METTL24: variants seen among roughly 807,000 people sequenced by gnomAD.
METTL24 encodes methyltransferase like 24.
METTL24 carries 29 observed loss-of-function variants against 32.7 expected under a neutral mutation model. The ratio of observed to expected loss-of-function variants is 0.89; its 90% CI spans 0.66 to 1.21. The LOEUF (loss-of-function observed/expected upper bound fraction) is 1.21, where lower values mean the gene tolerates loss of function less well. METTL24 is among the 50% of genes most tolerant of loss of function. The pLI, the probability that METTL24 is intolerant of heterozygous loss-of-function variation, is 0.00. For missense variants in METTL24, 439 were observed against 468.1 expected (o/e 0.94, Z 0.57); for synonymous variants, 163 against 179.5 (o/e 0.91, Z 0.73).
chr6:110,299,105 G>T lies in METTL24; in HGVS notation c.603C>A (p.Asn201Lys), dbSNP rs200971763. 2.5e-6 allele frequency: 4 copies of T among 1,614,114 alleles called. No homozygotes were observed. Among genetic ancestry groups the T allele is most frequent in the Non-Finnish European group, 3.4e-6 (4 of 1,180,026 alleles). The change falls in exon 4 of 5, where the codon AAC becomes AAA. Residue 201 changes from asparagine (N) to lysine (K), a missense_variant. By Grantham distance (94) the Asn-to-Lys change is moderately conservative. Transcript: ENST00000338882. ...DTHFEVSMAN[N>K]GCEVHRFDPS... ...GATCAAAACGATGCACTTCACATCC[G>T]TTGTTGGCCATGCTAACCTCAAAAT... is the stretch of plus-strand genomic sequence containing the variant.
intron 4 of METTL24, among the ~76,000 whole-genome samples, chr6:110,287,090 A>G (rs1042866787): frequency 1.3e-5 from 2 of 152,204 alleles, no homozygotes; most frequent in Non-Finnish European, 2.9e-5. Flanking sequence ...TAATTCTGTC[A>G]TCAGATGGGC....
At chr6:110,298,046 G>A (rs1208301119) in intron 4 of METTL24, among the ~76,000 whole-genome samples, 1 of 152,098 alleles carries the variant, frequency 6.6e-6, no homozygotes, top group African/African-American at 2.4e-5. Flanking sequence ...GCAATGCAGG[G>A]AAAAGCTTCT....
At chr6:110,249,434 G>GGGGGGTGCCCCT in intron 4 of METTL24, among the ~76,000 whole-genome samples, 1 of 151,540 alleles carries the variant, frequency 6.6e-6, no homozygotes, top group East Asian at 1.9e-4. Context: ...ATGCAGCCCA[G>GGGGGGTGCCCCT]GGGGAGCACA....
At chr6:110,276,235 C>A (rs1206167105) in intron 4 of METTL24, among the ~76,000 whole-genome samples, 1 of 152,160 alleles carries the variant, frequency 6.6e-6, no homozygotes, top group Non-Finnish European at 1.5e-5. Context: ...GAGTTTGAGA[C>A]CAGCCTGGGC....
At position 110,262,745 on chromosome 6, in the gene METTL24, G is replaced by A. The variant is rs535090007; in HGVS notation, c.787-16485C>T. Among the ~76,000 whole-genome samples the A allele has an allele frequency of 7.9e-5, 12 of 152,266 alleles. No individual in the cohort carries two copies. The East Asian group carries it at 1.9e-3, about 24-fold the overall frequency. On this transcript the variant is annotated intron_variant, in intron 4 of 4. Coordinates refer to ENST00000338882, the MANE Select transcript of METTL24 (RefSeq NM_001123364.3). The stretch of plus-strand genomic sequence containing the variant: ...ATAAAATACTGACAAACCGAATCCA[G>A]CAGCATATCAAAAAGCTTATCCACC...
At chr6:110,276,276 A>C (rs181489519) in intron 4 of METTL24, among the ~76,000 whole-genome samples, 22 of 152,230 alleles carry the variant, frequency 1.4e-4, no homozygotes, top group East Asian at 1.4e-3. Flanking sequence ...TCTACCAAAA[A>C]AAATTAAAAA....
At chr6:110,356,329 G>C (rs9386890) in intron 1 of METTL24, among the ~76,000 whole-genome samples, 39,140 of 151,910 alleles carry the variant, frequency 0.26, 5,128 homozygotes, top group South Asian at 0.32. Context: ...TGTAATCCCA[G>C]CTACTCGGTA....
At chr6:110,264,170 C>A (rs1271987615) in intron 4 of METTL24, among the ~76,000 whole-genome samples, 2 of 151,546 alleles carry the variant, frequency 1.3e-5, no homozygotes, top group Admixed American at 6.6e-5. Context: ...AAACTACCAC[C>A]AGAGTGAACA....
intron 3 of METTL24, among the ~76,000 whole-genome samples, chr6:110,307,678 A>G (rs1255755485): frequency 1.3e-5 from 2 of 152,224 alleles, no homozygotes; most frequent in Non-Finnish European, 2.9e-5. Flanking sequence ...CAGCCATCAG[A>G]AAGGTGGCCA....
intron 1 of METTL24, among the ~76,000 whole-genome samples, chr6:110,334,041 A>G (rs953339657): frequency 4.0e-5 from 6 of 149,582 alleles, no homozygotes; most frequent in Non-Finnish European, 7.4e-5. Context: ...AATAAGCCAG[A>G]CAGAAAAAAA....
At chr6:110,356,302 G>T (rs1772695547) in intron 1 of METTL24, among the ~76,000 whole-genome samples, 1 of 151,988 alleles carries the variant, frequency 6.6e-6, no homozygotes. Context: ...AATTAGCCCA[G>T]CGTGGTGGTG....
At chr6:110,335,562 CATTGTTTTT>C (rs1171575000) in intron 1 of METTL24, among the ~76,000 whole-genome samples, 3 of 106,848 alleles carry the variant, frequency 2.8e-5, no homozygotes, top group Non-Finnish European at 3.6e-5. Flanking sequence ...TGTAGGGAAT[CATTGTTTTT>C]TTTTTTTTTT....
At chr6:110,280,206 T>C (rs7770311) in intron 4 of METTL24, among the ~76,000 whole-genome samples, 16,577 of 152,168 alleles carry the variant, frequency 0.11, 1,851 homozygotes, top group African/African-American at 0.29. Flanking sequence ...GACACACATA[T>C]CCAAACTATA....
At chr6:110,355,498 G>A (rs1191137307) in intron 1 of METTL24, among the ~76,000 whole-genome samples, 1 of 151,992 alleles carries the variant, frequency 6.6e-6, no homozygotes, top group African/African-American at 2.4e-5. Context: ...ATAAAACTGA[G>A]CCCCAGGCCA....
At chr6:110,251,881 C>A (rs766582166) in intron 4 of METTL24, among the ~76,000 whole-genome samples, 1 of 152,192 alleles carries the variant, frequency 6.6e-6, no homozygotes, top group Non-Finnish European at 1.5e-5. Flanking sequence ...CAGTAGCTCA[C>A]GCCTGTAATC....
At chr6:110,301,082 C>G (rs980123042) in intron 3 of METTL24, among the ~76,000 whole-genome samples, 4 of 152,108 alleles carry the variant, frequency 2.6e-5, no homozygotes, top group Non-Finnish European at 5.9e-5. Context: ...TCTTCCTCAC[C>G]CTTCACCCAA....
intron 4 of METTL24, among the ~76,000 whole-genome samples, chr6:110,274,762 A>C (rs74699904): frequency 0.095 from 12,976 of 136,012 alleles, 1,069 homozygotes; most frequent in African/African-American, 0.24. Context: ...CACATTTTAC[A>C]TTTTGGTAGC....
intron 4 of METTL24, among the ~76,000 whole-genome samples, chr6:110,251,217 C>A (rs1778272045): frequency 6.6e-6 from 1 of 152,174 alleles, no homozygotes; most frequent in South Asian, 2.1e-4. Flanking sequence ...AATTTGCAAA[C>A]AATTGACCCT....
At chr6:110,346,387 C>A (rs1037042453) in intron 1 of METTL24, among the ~76,000 whole-genome samples, 1 of 151,876 alleles carries the variant, frequency 6.6e-6, no homozygotes. Context: ...TGTCAGAGAG[C>A]GGTAATGCTA....
Sources: gnomAD v4.1 joint callset for allele counts (sites outside exome capture counted in the v4.1 genomes callset) on GRCh38, gnomAD v4.1.1 for gene constraint, MANE v1.5 for transcripts, NCBI Gene and HGNC (gene_info 2026-07-23, HGNC 2026-07-21) for gene names.